RAP1GAP2: variants seen among roughly 807,000 people sequenced by gnomAD.
The protein encoded by RAP1GAP2 is RAP1 GTPase activating protein 2.
A neutral mutation model predicts 95.0 loss-of-function variants in RAP1GAP2; 27 were observed. That is an observed-to-expected ratio of 0.28 (90% CI 0.21 to 0.39). RAP1GAP2 has a LOEUF of 0.39. Among genes scored for constraint, RAP1GAP2 ranks in the 10% least tolerant of loss-of-function variants. The pLI, the probability that RAP1GAP2 is intolerant of heterozygous loss-of-function variation, is 1.00. For synonymous variants in RAP1GAP2, 373 were observed against 380.9 expected (o/e 0.98, Z 0.24); for missense variants, 771 against 970.0 (o/e 0.79, Z 2.72).
chr17:2,788,197 T>G (rs1286897223), intron 1 of RAP1GAP2, among the ~76,000 whole-genome samples: 1 of 152,146 alleles, frequency 6.6e-6, no homozygotes, highest in Non-Finnish European at 1.5e-5. Context: ...GAAATAGAAC[T>G]AATAGGAAAT....
intron 2 of RAP1GAP2, among the ~76,000 whole-genome samples, chr17:2,900,739 G>C (rs1259258691): frequency 6.6e-6 from 1 of 152,180 alleles, no homozygotes; most frequent in Non-Finnish European, 1.5e-5. Flanking sequence ...ACCTCTCCCA[G>C]CCACAGCTAT....
intron 2 of RAP1GAP2, among the ~76,000 whole-genome samples, chr17:2,843,305 TA>T (rs2071445436): frequency 6.6e-6 from 1 of 151,014 alleles, no homozygotes; most frequent in Non-Finnish European, 1.5e-5. Flanking sequence ...TTTTTTTTTT[TA>T]ATGGTGTCTC....
intron 4 of RAP1GAP2, among the ~76,000 whole-genome samples, chr17:2,961,890 ATTTTTT>A (rs34857082): frequency 1.8e-5 from 2 of 111,978 alleles, no homozygotes; most frequent in Non-Finnish European, 3.6e-5. Context: ...GACCCTAAGG[ATTTTTT>A]TTTTTTTTTT....
chr17:2,953,450 T>C (rs553976500), intron 3 of RAP1GAP2, among the ~76,000 whole-genome samples: 5 of 152,340 alleles, frequency 3.3e-5, no homozygotes, highest in African/African-American at 1.2e-4. Flanking sequence ...GAGTGTCATA[T>C]GTAAGCAACA....
intron 11 of RAP1GAP2, among the ~76,000 whole-genome samples, chr17:2,987,432 C>G (rs184353221): frequency 6.6e-6 from 1 of 151,338 alleles, no homozygotes; most frequent in African/African-American, 2.4e-5. Context: ...GGTGTGATCT[C>G]GGCTCATTGC....
At chr17:2,813,125 G>T (rs1482248324) in intron 2 of RAP1GAP2, among the ~76,000 whole-genome samples, 3 of 150,626 alleles carry the variant, frequency 2.0e-5, no homozygotes, top group African/African-American at 7.3e-5. Context: ...AGGCTGGAGT[G>T]CAGTGGTGCA....
At chr17:2,820,447 C>T (rs1323453845) in intron 2 of RAP1GAP2, among the ~76,000 whole-genome samples, 1 of 151,930 alleles carries the variant, frequency 6.6e-6, no homozygotes, top group Non-Finnish European at 1.5e-5. Flanking sequence ...ATGGCAAAAC[C>T]CCGTCTCTAC....
chr17:2,974,303 A>T (rs1351932264), intron 8 of RAP1GAP2, among the ~76,000 whole-genome samples: 2 of 151,880 alleles, frequency 1.3e-5, no homozygotes, highest in Non-Finnish European at 2.9e-5. Flanking sequence ...GAGCCGAGAT[A>T]GCGCCACTGC....
rs73976595 is a variant in RAP1GAP2 at position 2,815,154 on chromosome 17, G to T, written c.80+14604G>T. Among the ~76,000 whole-genome samples, 619 of 152,268 alleles carry T rather than the reference G, an allele frequency of 4.1e-3. 4 individuals carry two copies. Among genetic ancestry groups the T allele is most frequent in the African/African-American group, 0.014 (586 of 41,568 alleles). On this transcript the variant is annotated intron_variant, in intron 2 of 24. Coordinates refer to ENST00000254695, the MANE Select transcript of RAP1GAP2 (RefSeq NM_015085.5). ...AGCCTGGGTGGGGCCCAGGAAACCT[G>T]TGTGTTACCAGCGCTGAGGTGCTGC... is the stretch of plus-strand genomic sequence containing the variant.
At chr17:3,032,764 G>A (rs896892996) in intron 24 of RAP1GAP2, among the ~76,000 whole-genome samples, 1 of 152,206 alleles carries the variant, frequency 6.6e-6, no homozygotes, top group African/African-American at 2.4e-5. Flanking sequence ...GGAGGGAGGA[G>A]TTCCTGAGGG....
At chr17:2,824,850 C>T (rs58307483) in intron 2 of RAP1GAP2, among the ~76,000 whole-genome samples, 417 of 151,886 alleles carry the variant, frequency 2.7e-3, no homozygotes, top group African/African-American at 9.5e-3. Context: ...GCTGGAGATG[C>T]CTGTGGTGGT....
rs34468461 is a variant in RAP1GAP2, at chr17:2,969,496, C to CTTTTTTT, written c.596+3870_596+3876dup. Among the ~76,000 whole-genome samples the CTTTTTTT allele has an allele frequency of 2.4e-3, 199 of 83,760 alleles. 16 individuals are homozygous for CTTTTTTT. The highest frequency in any genetic ancestry group is 5.9e-3 in the African/African-American group (130 of 21,954). 54.9% of individuals were successfully genotyped at this position (83,760 alleles called of 152,430 possible). A position where few individuals can be genotyped will look rare whatever the true frequency, so the allele number is the denominator to read the frequency against. On this transcript the variant is annotated intron_variant, in intron 8 of 24. Coordinates refer to ENST00000254695, the MANE Select transcript of RAP1GAP2 (RefSeq NM_015085.5). The stretch of plus-strand genomic sequence containing the variant: ...GTAAAGATGTGTAAATATATATATT[C>CTTTTTTT]TTTTTTTTTTTTTTTTTTTTTTTGA...
At chr17:3,028,859 G>A (rs138924995) in intron 22 of RAP1GAP2, among the ~76,000 whole-genome samples, 4,522 of 152,238 alleles carry the variant, frequency 0.03, 220 homozygotes, top group African/African-American at 0.1. Flanking sequence ...GGAGTGCAAT[G>A]GCGCAATCTC....
intron 3 of RAP1GAP2, among the ~76,000 whole-genome samples, chr17:2,908,380 G>A (rs1309743298): frequency 6.6e-6 from 1 of 152,162 alleles, no homozygotes; most frequent in East Asian, 1.9e-4. Context: ...CATTGACGAT[G>A]TTACCCAGAG....
chr17:2,900,963 C>T lies in RAP1GAP2; in HGVS notation c.81-4321C>T, dbSNP rs76237710. On this transcript the variant is annotated intron_variant, in intron 2 of 24. Coordinates refer to ENST00000254695, the MANE Select transcript of RAP1GAP2 (RefSeq NM_015085.5). Reference sequence around the variant, plus strand: ...CCTCAAGATGGTCTGAGGCAGAGCCCTCCGAGGGTGGGGAGGCGAGGAGCC... The same window carrying T: ...CCTCAAGATGGTCTGAGGCAGAGCCTTCCGAGGGTGGGGAGGCGAGGAGCC... Among the ~76,000 whole-genome samples, 498 of 152,310 alleles carry T rather than the reference C, an allele frequency of 3.3e-3. 6 individuals carry two copies. The highest frequency in any genetic ancestry group is 0.011 in the African/African-American group (478 of 41,582).
At chr17:2,961,587 C>T (rs114483818) in intron 4 of RAP1GAP2, among the ~76,000 whole-genome samples, 2 of 152,230 alleles carry the variant, frequency 1.3e-5, no homozygotes, top group Non-Finnish European at 2.9e-5. Context: ...TCTTCAGATA[C>T]CTGTAGATAA....
chr17:2,961,890 ATTTT>A (rs34857082), intron 4 of RAP1GAP2, among the ~76,000 whole-genome samples: 6 of 111,968 alleles, frequency 5.4e-5, no homozygotes, highest in Admixed American at 2.0e-4. Context: ...GACCCTAAGG[ATTTT>A]TTTTTTTTTT....
At chr17:2,986,192 T>C (rs925416420) in intron 11 of RAP1GAP2, among the ~76,000 whole-genome samples, 3 of 152,234 alleles carry the variant, frequency 2.0e-5, no homozygotes, top group East Asian at 1.9e-4. Flanking sequence ...TTTAGAGATA[T>C]TGGCCCTTAA....
chr17:2,933,148 G>A lies in RAP1GAP2; in HGVS notation c.166-24611G>A, dbSNP rs530010411. 6.6e-5 allele frequency among the ~76,000 whole-genome samples: 10 copies of A among 152,370 alleles called. No individual in the cohort carries two copies. In the South Asian group the frequency reaches 1.2e-3, roughly 19 times the overall value. On this transcript the variant is annotated intron_variant, in intron 3 of 24. Coordinates refer to ENST00000254695, the MANE Select transcript of RAP1GAP2 (RefSeq NM_015085.5). ...CGGGAAGAGAGAAGGGCGAGTGGAA[G>A]GAAATGGAGTCGTGTGGGCGGGTGA...
Sources: allele counts gnomAD v4.1 joint callset (sites outside exome capture counted in the v4.1 genomes callset), GRCh38; gene constraint gnomAD v4.1.1; transcripts MANE v1.5; gene names NCBI Gene and HGNC (gene_info 2026-07-23, HGNC 2026-07-21).